CNKSR3: variants seen among roughly 807,000 people sequenced by gnomAD.
CNKSR3 encodes CNKSR family member 3.
CNKSR3 carries 36 observed loss-of-function variants against 67.7 expected under a neutral mutation model. That is an observed-to-expected ratio of 0.53 (90% confidence interval 0.41 to 0.70). The LOEUF (loss-of-function observed/expected upper bound fraction) is 0.70, where lower values mean the gene tolerates loss of function less well. CNKSR3 is among the 30% of genes least tolerant of loss of function. The probability of loss-of-function intolerance (pLI) is 0.00; values close to 1 mark genes in which losing one functional copy is unlikely to be tolerated. For missense variants in CNKSR3, 630 were observed against 695.2 expected (o/e 0.91, Z 1.05); for synonymous variants, 281 against 271.4 (o/e 1.04, Z -0.35).
intron 10 of CNKSR3, 116 bp from the exon 11 acceptor site, chr6:154,411,258 A>C: frequency 1.4e-6 from 1 of 727,458 alleles, no homozygotes; most frequent in African/African-American, 1.8e-5. Flanking sequence ...CTCCTTTTCC[A>C]CTGGAGGAAA....
chr6:154,487,942 A>T lies in CNKSR3; in HGVS notation c.52+22121T>A, dbSNP rs150725790. ...AACACTACTATCACTTGACTTTGAGATGAAAATAATTATTTTTAAAAGAGA... is the reference window on the plus strand; with the variant it reads ...AACACTACTATCACTTGACTTTGAGTTGAAAATAATTATTTTTAAAAGAGA... On this transcript the variant is annotated intron_variant, in intron 1 of 12. Transcript: ENST00000607772. Among the ~76,000 whole-genome samples the T allele has an allele frequency of 3.3e-3, 507 of 152,344 alleles. 4 individuals are homozygous for T. Among genetic ancestry groups the T allele is most frequent in the African/African-American group, 0.011 (460 of 41,586 alleles).
Position 154,406,188 on chromosome 6 carries a change from C to A in CNKSR3, c.*166G>T. The A allele has an allele frequency of 1.5e-6, 1 of 653,390 alleles. No individual in the cohort carries two copies. The highest frequency in any genetic ancestry group is 2.6e-6 in the Non-Finnish European group (1 of 385,352). 40.5% of individuals were successfully genotyped at this position (653,390 alleles called of 1,614,324 possible). A position where few individuals can be genotyped will look rare whatever the true frequency, so the allele number is the denominator to read the frequency against. ...TAAGATCCTCTGAATTTGTTCCCAT[C>A]CAATCCTGCAAACTTCCAAGAAGGG... On this transcript the variant is annotated 3_prime_UTR_variant, in exon 13 of 13. Coordinates refer to ENST00000607772, the MANE Select transcript of CNKSR3 (RefSeq NM_173515.4).
intron 1 of CNKSR3, among the ~76,000 whole-genome samples, chr6:154,472,675 G>A (rs1786356524): frequency 6.6e-6 from 1 of 152,086 alleles, no homozygotes; most frequent in African/African-American, 2.4e-5. Context: ...TCTTGGGACA[G>A]AGGAGATATT....
Position 154,406,219 on chromosome 6 carries a change from G to C in CNKSR3, c.*135C>G. ...CTGCAAACTTCCAAGAAGGGCAGTA[G>C]ATAACTTTTCAAAAGAAAAAGAAAT... On this transcript the variant is annotated 3_prime_UTR_variant, in exon 13 of 13. Coordinates refer to ENST00000607772, the MANE Select transcript of CNKSR3 (RefSeq NM_173515.4). 2 of 801,134 alleles carry C rather than the reference G, an allele frequency of 2.5e-6. No homozygotes were observed. Among genetic ancestry groups the C allele is most frequent in the Non-Finnish European group, 3.9e-6 (2 of 512,634 alleles). 49.6% of individuals were successfully genotyped at this position (801,134 alleles called of 1,614,324 possible).
At chr6:154,473,173 GGAACAA>G (rs1786367819) in intron 1 of CNKSR3, among the ~76,000 whole-genome samples, 1 of 152,172 alleles carries the variant, frequency 6.6e-6, no homozygotes, top group Admixed American at 6.5e-5. Flanking sequence ...TGGTCAAACA[GGAACAA>G]GTATCTAGTT....
chr6:154,510,224 C>T lies in CNKSR3; in HGVS notation c.-110G>A, dbSNP rs971464052. On this transcript the variant is annotated 5_prime_UTR_variant, in exon 1 of 13. Transcript: ENST00000607772. Reference sequence around the variant, plus strand: ...CGCGCCCGCGGCTGCTCCCCTGCGCCCGAGCGACTCCGTCAAGACTGCATG... The same window carrying T: ...CGCGCCCGCGGCTGCTCCCCTGCGCTCGAGCGACTCCGTCAAGACTGCATG... The T allele has an allele frequency of 7.8e-7, 1 of 1,275,326 alleles. No individual in the cohort carries two copies. Among genetic ancestry groups the T allele is most frequent in the Non-Finnish European group, 1.1e-6 (1 of 890,100 alleles). 79.0% of individuals were successfully genotyped at this position (1,275,326 alleles called of 1,614,324 possible).
chr6:154,503,520 T>TG, intron 1 of CNKSR3, among the ~76,000 whole-genome samples: 1 of 151,686 alleles, frequency 6.6e-6, no homozygotes, highest in South Asian at 2.1e-4. Context: ...CCCAGCTACT[T>TG]GGGAGGATGA....
Position 154,450,049 on chromosome 6 carries a change from T to C in CNKSR3, c.216+46A>G, listed in dbSNP as rs1418027201. Reference sequence around the variant, plus strand: ...CAATGACGGCTTAAGAGAGCAAGGCTCTAAAGAACGTCATCACGGTACAGA... The same window carrying C: ...CAATGACGGCTTAAGAGAGCAAGGCCCTAAAGAACGTCATCACGGTACAGA... On this transcript the variant is annotated intron_variant, in intron 2 of 12. Coordinates refer to ENST00000607772, the MANE Select transcript of CNKSR3 (RefSeq NM_173515.4). 3.2e-6 allele frequency: 5 copies of C among 1,567,760 alleles called. No individual in the cohort carries two copies. In the East Asian group the frequency reaches 6.8e-5, roughly 21 times the overall value.
chr6:154,448,590 G>T (rs1785758376), intron 2 of CNKSR3, among the ~76,000 whole-genome samples: 1 of 152,144 alleles, frequency 6.6e-6, no homozygotes, highest in Non-Finnish European at 1.5e-5. Flanking sequence ...AGAGGTCACA[G>T]AGGGAGTAGC....
chr6:154,402,739 T>A lies in CNKSR3; in HGVS notation c.*3615A>T, dbSNP rs1784731574. 1 of 152,210 alleles carries A rather than the reference T, an allele frequency of 6.6e-6. No homozygotes were observed. 9.4% of individuals were successfully genotyped at this position (152,210 alleles called of 1,614,324 possible). On this transcript the variant is annotated 3_prime_UTR_variant, in exon 13 of 13. Transcript: ENST00000607772. ...TTTATCTAAAGAATTGGCCACATTT[T>A]AGAAAATCATACTGCTGACATCGAC...
intron 1 of CNKSR3, among the ~76,000 whole-genome samples, chr6:154,465,742 T>C (rs1255441218): frequency 6.6e-6 from 1 of 152,226 alleles, no homozygotes; most frequent in East Asian, 1.9e-4. Context: ...GAAATGTTCA[T>C]GGCCATGTAG....
rs921927802 is a variant in CNKSR3, at chr6:154,400,391, G to A, written c.*5963C>T. 2 of 152,184 alleles carry A rather than the reference G, an allele frequency of 1.3e-5. No homozygotes were observed. Among genetic ancestry groups the A allele is most frequent in the East Asian group, 3.9e-4 (2 of 5,190 alleles). The allele number at this position is 152,184 out of a possible 1,614,324, so 9.4% of individuals were successfully genotyped here. A position where few individuals can be genotyped will look rare whatever the true frequency, so the allele number is the denominator to read the frequency against. On this transcript the variant is annotated 3_prime_UTR_variant, in exon 13 of 13. Coordinates refer to ENST00000607772, the MANE Select transcript of CNKSR3 (RefSeq NM_173515.4). ...GACGAGCTTCATAAAGGTTGCCATAGAACTTTAGAATATGCCTATGGATGG... is the reference window on the plus strand; with the variant it reads ...GACGAGCTTCATAAAGGTTGCCATAAAACTTTAGAATATGCCTATGGATGG...
Position 154,394,790 on chromosome 6 carries a change from A to T in CNKSR3, c.*11564T>A, listed in dbSNP as rs1784642343. ...CAGATAACTGTCCGATTCTGTTCTT[A>T]GTCCTCTTGCCAAGTCTATTTTCCT... On this transcript the variant is annotated 3_prime_UTR_variant, in exon 13 of 13. Transcript: ENST00000607772. 2 of 152,184 alleles carry T rather than the reference A, an allele frequency of 1.3e-5. No individual in the cohort carries two copies. The allele number at this position is 152,184 out of a possible 1,614,324, so 9.4% of individuals were successfully genotyped here. A position where few individuals can be genotyped will look rare whatever the true frequency, so the allele number is the denominator to read the frequency against.
chr6:154,487,785 C>G (rs1786704349), intron 1 of CNKSR3, among the ~76,000 whole-genome samples: 1 of 152,186 alleles, frequency 6.6e-6, no homozygotes, highest in Admixed American at 6.5e-5. Context: ...TAGGCTGATT[C>G]CAACTTTGTT....
intron 1 of CNKSR3, among the ~76,000 whole-genome samples, chr6:154,469,767 GCATGCCAACCC>G (rs1786282896): frequency 6.6e-6 from 1 of 152,048 alleles, no homozygotes; most frequent in Admixed American, 6.6e-5. Flanking sequence ...TTGGGGTTAG[GCATGCCAACCC>G]CCTCATAGTA....
intron 1 of CNKSR3, among the ~76,000 whole-genome samples, chr6:154,500,665 G>A (rs1786978210): frequency 6.6e-6 from 1 of 152,116 alleles, no homozygotes. Flanking sequence ...AAAAGTATGG[G>A]AGCTATAGTT....
At chr6:154,505,459 T>C (rs1205105632) in intron 1 of CNKSR3, among the ~76,000 whole-genome samples, 1 of 151,066 alleles carries the variant, frequency 6.6e-6, no homozygotes, top group African/African-American at 2.4e-5. Context: ...GTTTTAGAGA[T>C]GTGCTGACTC....
intron 9 of CNKSR3, among the ~76,000 whole-genome samples, chr6:154,415,097 C>CAAAAAAAAAAA (rs1157415390): frequency 3.0e-5 from 1 of 33,240 alleles, no homozygotes; most frequent in African/African-American, 7.6e-5. Flanking sequence ...GACTCTGTCT[C>CAAAAAAAAAAA]AAAAAAAAAA....
At chr6:154,465,413 G>A (rs1292789214) in intron 1 of CNKSR3, among the ~76,000 whole-genome samples, 1 of 151,962 alleles carries the variant, frequency 6.6e-6, no homozygotes, top group Non-Finnish European at 1.5e-5. Context: ...TTTCTGCATG[G>A]CAGGTGCTTT....
Sources: gnomAD v4.1 joint callset for allele counts (sites outside exome capture counted in the v4.1 genomes callset) on GRCh38, gnomAD v4.1.1 for gene constraint, MANE v1.5 for transcripts, NCBI Gene and HGNC (gene_info 2026-07-23, HGNC 2026-07-21) for gene names.